Variants in TOX observed in about 807,000 individuals in gnomAD.
The protein encoded by TOX is thymocyte selection associated high mobility group box, also known as thymocyte selection-associated high mobility group box protein TOX.
In TOX, 11 loss-of-function variants were observed where a neutral mutation model predicts 53.7. The ratio of observed to expected loss-of-function variants is 0.20; its 90% CI spans 0.13 to 0.34. The LOEUF (loss-of-function observed/expected upper bound fraction) is 0.34, where lower values mean the gene tolerates loss of function less well. TOX is among the 10% of genes least tolerant of loss of function. The pLI, the probability that TOX is intolerant of heterozygous loss-of-function variation, is 1.00. For missense variants in TOX, 570 were observed against 664.6 expected, an observed-to-expected ratio of 0.86 and a Z score of 1.56; for synonymous variants, 225 against 245.3, an observed-to-expected ratio of 0.92 and a Z score of 0.77.
At chr8:58,839,880 C>T (rs905904602) in intron 4 of TOX, among the ~76,000 whole-genome samples, 15 of 152,192 alleles carry the variant, frequency 9.9e-5, no homozygotes, top group Non-Finnish European at 1.9e-4. Flanking sequence ...CAGAGGAACT[C>T]GCTTCATGCC....
At chr8:58,874,823 C>T (rs1811257645) in intron 3 of TOX, among the ~76,000 whole-genome samples, 1 of 152,146 alleles carries the variant, frequency 6.6e-6, no homozygotes, top group South Asian at 2.1e-4. Context: ...AATCTTTTGG[C>T]TTCCCCAGGC....
At chr8:59,052,466 C>A (rs1236185915) in intron 1 of TOX, among the ~76,000 whole-genome samples, 1 of 151,928 alleles carries the variant, frequency 6.6e-6, no homozygotes, top group Non-Finnish European at 1.5e-5. Context: ...ACCTTCTCTG[C>A]TGACTTTTAT....
chr8:59,022,404 C>G (rs1275193834), intron 1 of TOX, among the ~76,000 whole-genome samples: 1 of 152,152 alleles, frequency 6.6e-6, no homozygotes, highest in Non-Finnish European at 1.5e-5. Context: ...AACCACACAA[C>G]TCTATAACAC....
In TOX at chr8:58,910,301, AT is replaced by A. The variant is rs200155841; in HGVS notation, c.411+29000del. Among the ~76,000 whole-genome samples, 978 of 151,650 alleles carry A rather than the reference AT, an allele frequency of 6.4e-3. 15 individuals carry two copies. The highest frequency in any genetic ancestry group is 0.022 in the African/African-American group (923 of 41,414). On this transcript the variant is annotated intron_variant, in intron 3 of 8. Coordinates refer to ENST00000361421, the MANE Select transcript of TOX (RefSeq NM_014729.3). ...TTACCAACTACTTTGGATTTTCCGC[AT>A]TTTTTTTTAAACCAATGAATCTTGA...
rs1227143612 is a variant in TOX at position 58,994,529 on chromosome 8, C to A, written c.103-34521G>T. 2.0e-5 allele frequency among the ~76,000 whole-genome samples: 3 copies of A among 151,988 alleles called. No individual in the cohort carries two copies. The East Asian group carries it at 5.8e-4, about 29-fold the overall frequency. On this transcript the variant is annotated intron_variant, in intron 1 of 8. Coordinates refer to ENST00000361421, the MANE Select transcript of TOX (RefSeq NM_014729.3). Reference sequence around the variant, plus strand: ...GTAGAAAGTTCTACTGTCCAGAATGCTAAATTTCTGTCCTGAATGACTGGT... The same window carrying A: ...GTAGAAAGTTCTACTGTCCAGAATGATAAATTTCTGTCCTGAATGACTGGT...
chr8:58,927,047 C>CTTTT (rs10715496), intron 3 of TOX, among the ~76,000 whole-genome samples: 1 of 145,098 alleles, frequency 6.9e-6, no homozygotes, highest in African/African-American at 2.5e-5. Context: ...ATTGTCACAC[C>CTTTT]TTTTTTTTTT....
intron 4 of TOX, among the ~76,000 whole-genome samples, chr8:58,838,699 C>CTTTTTTTTTGTTTTTTTTTTTT (rs1810590984): frequency 1.1e-5 from 1 of 88,912 alleles, no homozygotes; most frequent in African/African-American, 6.0e-5. Flanking sequence ...TTATCCTTGT[C>CTTTTTTTTTGTTTTTTTTTTTT]TTTTTTTTTT....
chr8:58,966,893 T>C (rs1441753174), intron 1 of TOX, among the ~76,000 whole-genome samples: 1 of 135,458 alleles, frequency 7.4e-6, no homozygotes, highest in Non-Finnish European at 1.6e-5. Context: ...TTTTTTTTTT[T>C]AGATGGAGTC....
chr8:59,107,044 G>GC (rs1563448567), intron 1 of TOX, among the ~76,000 whole-genome samples: 8 of 101,970 alleles, frequency 7.8e-5, no homozygotes, highest in African/African-American at 3.0e-4. Context: ...AAAGCAGTTT[G>GC]CTGGGGGGGG....
At chr8:59,093,931 A>T (rs1170689374) in intron 1 of TOX, among the ~76,000 whole-genome samples, 1 of 152,196 alleles carries the variant, frequency 6.6e-6, no homozygotes, top group Non-Finnish European at 1.5e-5. Context: ...TGTCACACTA[A>T]ACAAGACAAG....
At chr8:58,925,027 C>T (rs548307787) in intron 3 of TOX, among the ~76,000 whole-genome samples, 4 of 152,300 alleles carry the variant, frequency 2.6e-5, no homozygotes, top group South Asian at 2.1e-4. Flanking sequence ...CCAGATGGCA[C>T]ATGGAGATGC....
chr8:58,975,988 C>T (rs1813091248), intron 1 of TOX, among the ~76,000 whole-genome samples: 1 of 152,092 alleles, frequency 6.6e-6, no homozygotes, highest in South Asian at 2.1e-4. Context: ...AAGAGAATCG[C>T]TTGAACCTGG....
intron 2 of TOX, among the ~76,000 whole-genome samples, chr8:58,955,221 G>A (rs1812690224): frequency 1.3e-5 from 2 of 152,078 alleles, no homozygotes; most frequent in Non-Finnish European, 2.9e-5. Context: ...GCTGGGGGTC[G>A]GGAGAGAGAA....
At chr8:58,923,792 G>T (rs995503354) in intron 3 of TOX, among the ~76,000 whole-genome samples, 8 of 152,082 alleles carry the variant, frequency 5.3e-5, no homozygotes, top group Non-Finnish European at 1.2e-4. Context: ...CCTGGGTTCC[G>T]GGTCCCTCAA....
At chr8:58,858,041 A>T (rs1283011945) in intron 3 of TOX, among the ~76,000 whole-genome samples, 2 of 152,148 alleles carry the variant, frequency 1.3e-5, no homozygotes, top group South Asian at 4.1e-4. Flanking sequence ...AAGTGTTGGG[A>T]TTACAGGCGT....
chr8:59,057,231 T>C (rs1442171291), intron 1 of TOX, among the ~76,000 whole-genome samples: 1 of 152,010 alleles, frequency 6.6e-6, no homozygotes, highest in Non-Finnish European at 1.5e-5. Flanking sequence ...AAACATAAAA[T>C]GAAAAATATG....
chr8:58,912,533 C>T (rs930452595), intron 3 of TOX, among the ~76,000 whole-genome samples: 2 of 152,226 alleles, frequency 1.3e-5, no homozygotes, highest in African/African-American at 4.8e-5. Context: ...CAGCAGCTCT[C>T]AAACCTGAGT....
At chr8:59,063,551 G>A (rs1174751827) in intron 1 of TOX, among the ~76,000 whole-genome samples, 3 of 151,002 alleles carry the variant, frequency 2.0e-5, no homozygotes, top group Non-Finnish European at 4.4e-5. Context: ...AGCCTCCCGA[G>A]TAGCTGGAAC....
intron 3 of TOX, among the ~76,000 whole-genome samples, chr8:58,858,833 C>T (rs988367968): frequency 6.6e-6 from 1 of 152,090 alleles, no homozygotes; most frequent in Non-Finnish European, 1.5e-5. Context: ...TCCATGCAGG[C>T]CTGCATGATT....
Sources: allele counts gnomAD v4.1 joint callset (sites outside exome capture counted in the v4.1 genomes callset), GRCh38; gene constraint gnomAD v4.1.1; transcripts MANE v1.5; gene names NCBI Gene and HGNC (gene_info 2026-07-23, HGNC 2026-07-21).